The following LIMD1 variants were observed in gnomAD, a reference collection of about 807,000 sequenced individuals.
The protein encoded by LIMD1 is LIM domain containing 1, also known as LIM domain-containing protein 1.
A neutral mutation model predicts 58.4 loss-of-function variants in LIMD1; 23 were observed. The observed-to-expected ratio is 0.39, with a 90% CI of 0.28 to 0.56. The LOEUF (loss-of-function observed/expected upper bound fraction) is 0.56. Among genes scored for constraint, LIMD1 ranks in the 20% least tolerant of loss-of-function variants. The pLI is 0.57. For synonymous variants in LIMD1, 334 were observed against 345.5 expected (o/e 0.97, Z 0.37); for missense variants, 838 against 855.5 (o/e 0.98, Z 0.25).
intron 1 of LIMD1, among the ~76,000 whole-genome samples, chr3:45,615,977 G>T (rs1216701475): frequency 6.6e-6 from 1 of 152,016 alleles, no homozygotes; most frequent in Non-Finnish European, 1.5e-5. Context: ...GCATATTTTG[G>T]GGCGGCATCT....
intron 2 of LIMD1, among the ~76,000 whole-genome samples, chr3:45,649,205 G>A (rs904210631): frequency 3.3e-5 from 5 of 151,882 alleles, no homozygotes; most frequent in South Asian, 2.1e-4. Context: ...ACTTGTCCTC[G>A]CATTTGCCAT....
rs5848762 is a variant in LIMD1 at position 45,636,146 on chromosome 3, CA to C, written c.1409-2del. The C allele has an allele frequency of 1, 1,613,258 of 1,613,266 alleles. 806,625 individuals are homozygous for C. The highest frequency in any genetic ancestry group is 1 in the Middle Eastern group (6,054 of 6,054). ...ACTCACTGATGTTTCTCTTGTCCTG[CA>C]AGGAGCCTGTGTGAAATGCAGCAAA... On this transcript the variant is annotated splice_polypyrimidine_tract_variant and splice_region_variant and intron_variant, in intron 1 of 7. Transcript: ENST00000273317.
intron 6 of LIMD1, chr3:45,674,030 C>A (rs978067073): frequency 9.2e-6 from 3 of 327,840 alleles, no homozygotes; most frequent in Non-Finnish European, 1.7e-5. Flanking sequence ...TTACTTGATA[C>A]TAATTCTTAG....
chr3:45,610,614 G>C (rs138676105), intron 1 of LIMD1, among the ~76,000 whole-genome samples: 1 of 152,170 alleles, frequency 6.6e-6, no homozygotes, highest in South Asian at 2.1e-4. Flanking sequence ...TAATAAGCAC[G>C]TGGGCTTTGG....
Position 45,594,797 on chromosome 3 carries a change from A to ACACACACACAC in LIMD1, c.-82_-72dup. On this transcript the variant is annotated 5_prime_UTR_variant, in exon 1 of 8. Transcript: ENST00000273317. ...GCCCTCAACACACACACACACACAC[A>ACACACACACAC]CACACACACACACACACACACACAC... is the stretch of plus-strand genomic sequence containing the variant. 1 of 129,656 alleles carries ACACACACACAC rather than the reference A, an allele frequency of 7.7e-6. No homozygotes were observed. Among genetic ancestry groups the ACACACACACAC allele is most frequent in the East Asian group, 4.1e-4 (1 of 2,466 alleles). 8.0% of individuals were successfully genotyped at this position (129,656 alleles called of 1,614,324 possible). A position where few individuals can be genotyped will look rare whatever the true frequency, so the allele number is the denominator to read the frequency against.
Position 45,594,927 on chromosome 3 carries a change from G to A in LIMD1, c.48G>A (p.Glu16=). 6.2e-7 allele frequency: 1 copy of A among 1,613,056 alleles called. No homozygotes were observed. The highest frequency in any genetic ancestry group is 8.5e-7 in the Non-Finnish European group (1 of 1,179,886). Reference sequence around the variant, plus strand: ...GCCTGGAGGCCAGTAAATTCATCGAGGACCTGAACATGTATGAGGCCTCTA... The same window carrying A: ...GCCTGGAGGCCAGTAAATTCATCGAAGACCTGAACATGTATGAGGCCTCTA... ...DLGLEASKFI[E]DLNMYEASKD... Residue 16 remains glutamate (E), a synonymous_variant, in exon 1 of 8, where the codon GAG becomes GAA. Transcript: ENST00000273317.
intron 2 of LIMD1, among the ~76,000 whole-genome samples, chr3:45,648,001 C>T (rs1265678436): frequency 2.6e-5 from 4 of 151,722 alleles, no homozygotes; most frequent in African/African-American, 7.3e-5. Flanking sequence ...ATCTTGGGTC[C>T]CATGTGCACC....
At chr3:45,604,465 G>A (rs1701448135) in intron 1 of LIMD1, among the ~76,000 whole-genome samples, 2 of 152,194 alleles carry the variant, frequency 1.3e-5, no homozygotes, top group African/African-American at 4.8e-5. Flanking sequence ...GGTCAATGAT[G>A]CATACGTGTC....
chr3:45,615,860 G>A (rs147327415), intron 1 of LIMD1, among the ~76,000 whole-genome samples: 3,926 of 152,122 alleles, frequency 0.026, 67 homozygotes, highest in Non-Finnish European at 0.043. Context: ...CCATAGGGAG[G>A]GGGTACCTTT....
chr3:45,646,841 A>T (rs936381488), intron 2 of LIMD1, among the ~76,000 whole-genome samples: 1 of 151,874 alleles, frequency 6.6e-6, no homozygotes, highest in Non-Finnish European at 1.5e-5. Context: ...TTTGAAATTA[A>T]TTTTTGTAGA....
chr3:45,646,386 A>T (rs1368381192), intron 2 of LIMD1, among the ~76,000 whole-genome samples: 1 of 151,924 alleles, frequency 6.6e-6, no homozygotes, highest in Non-Finnish European at 1.5e-5. Flanking sequence ...ATCCTGGGGG[A>T]TTGTGATGAA....
At chr3:45,671,005 T>G (rs1418908054) in intron 4 of LIMD1, among the ~76,000 whole-genome samples, 1 of 152,234 alleles carries the variant, frequency 6.6e-6, no homozygotes, top group African/African-American at 2.4e-5. Flanking sequence ...CTTTTTCTAA[T>G]CTTACTTTAG....
chr3:45,686,052 C>T lies in LIMD1; in HGVS notation c.*8993C>T, dbSNP rs1338987609. ...ATAAGATACTGTGGCAAGCTATATC[C>T]GCAATTCCCAGGAATTCGTCTGATT... On this transcript the variant is annotated 3_prime_UTR_variant, in exon 8 of 8. Transcript: ENST00000273317. 2.6e-5 allele frequency: 4 copies of T among 152,162 alleles called. No individual in the cohort carries two copies. The highest frequency in any genetic ancestry group is 2.1e-4 in the South Asian group (1 of 4,824). The allele number at this position is 152,162 out of a possible 1,614,324, so 9.4% of individuals were successfully genotyped here. A position where few individuals can be genotyped will look rare whatever the true frequency, so the allele number is the denominator to read the frequency against.
chr3:45,596,358 T>G, intron 1 of LIMD1, 71 bp downstream of exon 1: 1 of 1,235,660 alleles, frequency 8.1e-7, no homozygotes, highest in Non-Finnish European at 1.1e-6. Flanking sequence ...ACATGCCCCC[T>G]ACCAGGGATG....
chr3:45,622,626 G>A (rs1701637417), intron 1 of LIMD1, among the ~76,000 whole-genome samples: 1 of 151,818 alleles, frequency 6.6e-6, no homozygotes, highest in African/African-American at 2.4e-5. Context: ...GGAAAGGGGA[G>A]ACTGCTGTAT....
Position 45,637,473 on chromosome 3 carries a change from G to A in LIMD1, c.1510+1222G>A, listed in dbSNP as rs144227457. Among the ~76,000 whole-genome samples, 445 of 152,242 alleles carry A rather than the reference G, an allele frequency of 2.9e-3. 15 individuals are homozygous for A. The East Asian group carries it at 0.056, about 19-fold the overall frequency. ...TTTTTGTATTTTTAGTAGAGACGGGGTTTCACCATGTTGGCCAGGATTGTC... is the reference window on the plus strand; with the variant it reads ...TTTTTGTATTTTTAGTAGAGACGGGATTTCACCATGTTGGCCAGGATTGTC... On this transcript the variant is annotated intron_variant, in intron 2 of 7. Transcript: ENST00000273317.
Position 45,673,446 on chromosome 3 carries a change from C to T in LIMD1, c.1773-8C>T, listed in dbSNP as rs1226327832. 1 of 1,613,196 alleles carries T rather than the reference C, an allele frequency of 6.2e-7. No individual in the cohort carries two copies. On this transcript the variant is annotated splice_polypyrimidine_tract_variant and splice_region_variant and intron_variant, in intron 5 of 7. Coordinates refer to ENST00000273317, the MANE Select transcript of LIMD1 (RefSeq NM_014240.3). ...CAACATTTATTGCTGCTTTGTTTCT[C>T]CCCACAGGGTGCTGGCCCCCAAGTG...
At chr3:45,662,464 A>C (rs984542636) in intron 2 of LIMD1, among the ~76,000 whole-genome samples, 2 of 152,254 alleles carry the variant, frequency 1.3e-5, no homozygotes, top group African/African-American at 4.8e-5. Context: ...ACTGGAAAGT[A>C]CTATAGGAAA....
chr3:45,665,767 G>A lies in LIMD1; in HGVS notation c.1578+50G>A, dbSNP rs759817688. On this transcript the variant is annotated intron_variant, in intron 3 of 7. Coordinates refer to ENST00000273317, the MANE Select transcript of LIMD1 (RefSeq NM_014240.3). ...CTTGCATGTCCTGGCCAGAGTCAGA[G>A]GGCAGGGGCCTGGGGGGACCTGGGC... The A allele has an allele frequency of 3.9e-6, 6 of 1,543,976 alleles. No individual in the cohort carries two copies. The East Asian group carries it at 1.3e-4, about 35-fold the overall frequency.
Sources: allele counts gnomAD v4.1 joint callset (sites outside exome capture counted in the v4.1 genomes callset), GRCh38; gene constraint gnomAD v4.1.1; transcripts MANE v1.5; gene names NCBI Gene and HGNC (gene_info 2026-07-23, HGNC 2026-07-21).